The following NKAIN2 variants were observed in gnomAD, a reference collection of about 807,000 sequenced individuals.
NKAIN2 encodes the protein sodium/potassium transporting ATPase interacting 2.
Under a neutral mutation model 32.6 loss-of-function variants are expected in NKAIN2, and 14 were observed. The observed-to-expected ratio is 0.43, with a 90% CI of 0.28 to 0.67. The LOEUF is 0.67. Among genes scored for constraint, NKAIN2 ranks in the 30% least tolerant of loss-of-function variants. NKAIN2 has a pLI of 0.17. For synonymous variants in NKAIN2, 80 were observed against 87.2 expected (o/e 0.92, Z 0.46); for missense variants, 198 against 258.3 (o/e 0.77, Z 1.60).
chr6:124,239,666 A>G (rs1792967289), intron 1 of NKAIN2, among the ~76,000 whole-genome samples: 1 of 152,226 alleles, frequency 6.6e-6, no homozygotes, highest in Admixed American at 6.5e-5. Context: ...AATGAAATTA[A>G]GGCAGAAATA....
intron 4 of NKAIN2, among the ~76,000 whole-genome samples, chr6:124,680,265 C>T (rs1017716796): frequency 6.6e-6 from 1 of 152,028 alleles, no homozygotes; most frequent in African/African-American, 2.4e-5. Flanking sequence ...TACTGCAGAC[C>T]TCCTTATAAA....
chr6:124,649,226 G>T (rs1784280475), intron 3 of NKAIN2, among the ~76,000 whole-genome samples: 2 of 151,984 alleles, frequency 1.3e-5, no homozygotes, highest in African/African-American at 2.4e-5. Context: ...AAATCATTAG[G>T]CCTTTAGGCT....
At chr6:123,959,830 C>A (rs1777760333) in intron 1 of NKAIN2, among the ~76,000 whole-genome samples, 1 of 150,966 alleles carries the variant, frequency 6.6e-6, no homozygotes, top group African/African-American at 2.4e-5. Context: ...GTGGGGGGTA[C>A]AATTGCATTT....
chr6:124,253,910 C>T lies in NKAIN2; in HGVS notation c.55-29095C>T, dbSNP rs549880506. Among the ~76,000 whole-genome samples the T allele has an allele frequency of 3.3e-5, 5 of 151,624 alleles. No individual in the cohort carries two copies. The South Asian group carries it at 1.0e-3, about 32-fold the overall frequency. On this transcript the variant is annotated intron_variant, in intron 1 of 6. Coordinates refer to ENST00000368417, the MANE Select transcript of NKAIN2 (RefSeq NM_001040214.3). ...TGTAGTTGCATAAACCTCCACTCCC[C>T]AGGTTCAAGTGACTCTTCTGCCTCA...
intron 4 of NKAIN2, among the ~76,000 whole-genome samples, chr6:124,680,909 ATATACT>A (rs1461733146): frequency 1.3e-5 from 2 of 151,984 alleles, no homozygotes; most frequent in African/African-American, 2.4e-5. Context: ...CATATTTAAA[ATATACT>A]TCTACTTAGT....
intron 3 of NKAIN2, among the ~76,000 whole-genome samples, chr6:124,361,893 A>T (rs746646255): frequency 1.1e-4 from 16 of 152,142 alleles, no homozygotes; most frequent in Non-Finnish European, 1.9e-4. Flanking sequence ...AAAATGAATA[A>T]TTCATTTAGA....
chr6:123,956,404 C>A (rs1401277344), intron 1 of NKAIN2, among the ~76,000 whole-genome samples: 1 of 152,044 alleles, frequency 6.6e-6, no homozygotes, highest in African/African-American at 2.4e-5. Flanking sequence ...GGACTGGAGT[C>A]CTTATGAGAG....
intron 4 of NKAIN2, among the ~76,000 whole-genome samples, chr6:124,666,088 C>T (rs559797816): frequency 1.3e-5 from 2 of 152,260 alleles, no homozygotes; most frequent in African/African-American, 4.8e-5. Context: ...TGTTACATGG[C>T]TTCAGTTATG....
chr6:124,178,332 C>G (rs1415985253), intron 1 of NKAIN2, among the ~76,000 whole-genome samples: 3 of 147,986 alleles, frequency 2.0e-5, no homozygotes, highest in Non-Finnish European at 4.4e-5. Context: ...GAGTCTCGCT[C>G]TGTTGCCCAG....
intron 3 of NKAIN2, among the ~76,000 whole-genome samples, chr6:124,557,537 T>A (rs943377194): frequency 5.3e-5 from 8 of 152,192 alleles, no homozygotes; most frequent in South Asian, 2.1e-4. Context: ...GAGTTTTTTT[T>A]AACAAATTAG....
intron 1 of NKAIN2, among the ~76,000 whole-genome samples, chr6:124,084,593 G>A (rs115196465): frequency 0.029 from 4,431 of 152,004 alleles, 196 homozygotes; most frequent in African/African-American, 0.098. Context: ...TTTCTGTAGA[G>A]CCTGATACTT....
At chr6:124,799,585 CTT>C (rs1166704187) in intron 5 of NKAIN2, among the ~76,000 whole-genome samples, 1 of 152,104 alleles carries the variant, frequency 6.6e-6, no homozygotes, top group African/African-American at 2.4e-5. Context: ...ACAATCAGAG[CTT>C]TGTTTCTACA....
chr6:124,142,219 T>A (rs1232860657), intron 1 of NKAIN2, among the ~76,000 whole-genome samples: 1 of 152,162 alleles, frequency 6.6e-6, no homozygotes, highest in Non-Finnish European at 1.5e-5. Context: ...ATCAATCACC[T>A]CTTAGTCTCT....
intron 1 of NKAIN2, among the ~76,000 whole-genome samples, chr6:123,947,644 C>A (rs1777132004): frequency 6.6e-6 from 1 of 151,942 alleles, no homozygotes; most frequent in South Asian, 2.1e-4. Context: ...AATATTTGTA[C>A]CTATTTATGG....
intron 1 of NKAIN2, among the ~76,000 whole-genome samples, chr6:124,074,071 T>C (rs764479959): frequency 3.9e-5 from 6 of 152,162 alleles, no homozygotes; most frequent in Middle Eastern, 3.2e-3. Flanking sequence ...GGTAAAAGGT[T>C]CATGGGGCAA....
chr6:124,582,708 T>C (rs1341819985), intron 3 of NKAIN2, among the ~76,000 whole-genome samples: 1 of 152,254 alleles, frequency 6.6e-6, no homozygotes, highest in East Asian at 1.9e-4. Flanking sequence ...TGAATGTTTA[T>C]GCAAAACTCC....
At chr6:123,994,264 C>G (rs35818202) in intron 1 of NKAIN2, among the ~76,000 whole-genome samples, 6,876 of 151,206 alleles carry the variant, frequency 0.045, 223 homozygotes, top group Middle Eastern at 0.11. Flanking sequence ...ACTCTGGGGA[C>G]CTTGAACGGT....
intron 1 of NKAIN2, among the ~76,000 whole-genome samples, chr6:123,973,347 A>T (rs948295603): frequency 6.6e-6 from 1 of 152,128 alleles, no homozygotes; most frequent in Non-Finnish European, 1.5e-5. Flanking sequence ...ATTTGGAGCT[A>T]TGAAGTGAAT....
At chr6:124,739,359 T>A (rs1257853203) in intron 4 of NKAIN2, among the ~76,000 whole-genome samples, 1 of 151,914 alleles carries the variant, frequency 6.6e-6, no homozygotes, top group Non-Finnish European at 1.5e-5. Flanking sequence ...GGGCAGAAAT[T>A]AATCATAGGA....
Sources: allele counts gnomAD v4.1 joint callset (sites outside exome capture counted in the v4.1 genomes callset), GRCh38; gene constraint gnomAD v4.1.1; transcripts MANE v1.5; gene names NCBI Gene and HGNC (gene_info 2026-07-23, HGNC 2026-07-21).